TENM3: variants seen among roughly 807,000 people sequenced by gnomAD.
TENM3 encodes the protein teneurin-3.
In TENM3, 63 loss-of-function variants were observed where a neutral mutation model predicts 255.1. The ratio of observed to expected loss-of-function variants is 0.25; its 90% CI spans 0.20 to 0.30. TENM3 has a LOEUF of 0.30. TENM3 is among the 10% of genes least tolerant of loss of function. The pLI, the probability that TENM3 is intolerant of heterozygous loss-of-function variation, is 1.00. For missense variants in TENM3, 2,929 were observed against 3,461.1 expected, an observed-to-expected ratio of 0.85 and a Z score of 3.86; for synonymous variants, 1,306 against 1,322.3, an observed-to-expected ratio of 0.99 and a Z score of 0.27.
chr4:182,504,487 A>G lies in TENM3; in HGVS notation c.512-96437A>G, dbSNP rs111719193. On this transcript the variant is annotated intron_variant, in intron 3 of 27. Transcript: ENST00000511685. ...TGTTGGAGTAAATGAATTACTTAGC[A>G]TAATAGCTATACAAGATATGTTTTG... Among the ~76,000 whole-genome samples the G allele has an allele frequency of 1.6e-3, 247 of 152,320 alleles. 1 individual carries two copies. The highest frequency in any genetic ancestry group is 5.6e-3 in the African/African-American group (231 of 41,572).
At chr4:182,349,181 A>G (rs1213119981) in intron 3 of TENM3, among the ~76,000 whole-genome samples, 1 of 152,204 alleles carries the variant, frequency 6.6e-6, no homozygotes, top group Non-Finnish European at 1.5e-5. Context: ...ATGATGACTT[A>G]AACTTGTGTT....
At chr4:182,607,137 T>C (rs780293330) in intron 4 of TENM3, among the ~76,000 whole-genome samples, 2 of 152,230 alleles carry the variant, frequency 1.3e-5, no homozygotes, top group Non-Finnish European at 2.9e-5. Context: ...AGGTGTTCCG[T>C]AAATGTTTTT....
At chr4:182,089,218 C>T in the TENM3 span, among the ~76,000 whole-genome samples, 1 of 152,178 alleles carries the variant, frequency 6.6e-6, no homozygotes, top group Non-Finnish European at 1.5e-5. Context: ...GCAGCCTGAA[C>T]AGATGAATAC....
the TENM3 span, among the ~76,000 whole-genome samples, chr4:181,656,199 A>G: frequency 1.3e-5 from 2 of 152,028 alleles, no homozygotes; most frequent in African/African-American, 2.4e-5. Flanking sequence ...TGAGGCACCT[A>G]TCTGCAGAGG....
chr4:182,444,605 T>A (rs1772759108), intron 3 of TENM3, among the ~76,000 whole-genome samples: 1 of 152,214 alleles, frequency 6.6e-6, no homozygotes, highest in African/African-American at 2.4e-5. Context: ...AATATTGGCC[T>A]ATTTGTTTCC....
At chr4:181,485,059 A>C in the TENM3 span, among the ~76,000 whole-genome samples, 1 of 152,170 alleles carries the variant, frequency 6.6e-6, no homozygotes, top group Non-Finnish European at 1.5e-5. Flanking sequence ...TCTTTAGATA[A>C]TATTAATTGA....
chr4:181,993,825 C>T, the TENM3 span, among the ~76,000 whole-genome samples: 4 of 152,028 alleles, frequency 2.6e-5, no homozygotes, highest in Admixed American at 2.0e-4. Flanking sequence ...AAGAGCAAGA[C>T]ATATACTTAA....
the TENM3 span, among the ~76,000 whole-genome samples, chr4:181,990,751 C>T: frequency 1.3e-5 from 2 of 152,034 alleles, no homozygotes; most frequent in Non-Finnish European, 2.9e-5. Context: ...ACTAAAGGAG[C>T]CTGAAAATTA....
chr4:182,764,435 A>AGAT (rs1268575427), intron 22 of TENM3, among the ~76,000 whole-genome samples: 1 of 152,218 alleles, frequency 6.6e-6, no homozygotes. Flanking sequence ...GTAAGTGCTA[A>AGAT]GATAGTTGTT....
At chr4:181,906,794 G>A in the TENM3 span, among the ~76,000 whole-genome samples, 33 of 152,246 alleles carry the variant, frequency 2.2e-4, no homozygotes, top group East Asian at 1.4e-3. Context: ...CGATCCTCTC[G>A]CTTCTGCCTC....
At chr4:182,479,558 C>T (rs1733995519) in intron 3 of TENM3, among the ~76,000 whole-genome samples, 1 of 151,882 alleles carries the variant, frequency 6.6e-6, no homozygotes, top group Non-Finnish European at 1.5e-5. Flanking sequence ...TGAGGAATGC[C>T]ATTTGTTTTT....
At chr4:182,120,826 A>G in the TENM3 span, among the ~76,000 whole-genome samples, 6 of 152,100 alleles carry the variant, frequency 3.9e-5, no homozygotes, top group Non-Finnish European at 7.4e-5. Context: ...CTGAGGTGTT[A>G]TAAAAATGGA....
the TENM3 span, among the ~76,000 whole-genome samples, chr4:181,724,217 C>G: frequency 6.6e-6 from 1 of 152,190 alleles, no homozygotes; most frequent in East Asian, 1.9e-4. Context: ...ATTTGTTTTT[C>G]TGATTCAGGG....
the TENM3 span, among the ~76,000 whole-genome samples, chr4:182,037,388 T>C: frequency 6.6e-6 from 1 of 152,198 alleles, no homozygotes; most frequent in Admixed American, 6.5e-5. Flanking sequence ...CCTCAAGTGA[T>C]CCACCCGCTT....
intron 27 of TENM3, 62 bp downstream of exon 27, chr4:182,796,829 T>G: frequency 7.6e-7 from 1 of 1,312,460 alleles, no homozygotes; most frequent in Non-Finnish European, 1.0e-6. Flanking sequence ...TACCCATATC[T>G]AATCAAACTA....
the TENM3 span, among the ~76,000 whole-genome samples, chr4:181,478,812 G>A: frequency 0.05 from 7,551 of 152,122 alleles, 283 homozygotes; most frequent in Non-Finnish European, 0.077. Flanking sequence ...AGACAAAATT[G>A]CCCAATCTAA....
At chr4:181,466,586 C>T in the TENM3 span, among the ~76,000 whole-genome samples, 1 of 152,146 alleles carries the variant, frequency 6.6e-6, no homozygotes, top group Non-Finnish European at 1.5e-5. Context: ...AAGAAGAACA[C>T]ATCACAGTCA....
In TENM3 at chr4:182,217,009, C is replaced by CTTTTT. The variant is rs3071526; in HGVS notation, c.-76+72282_-76+72286dup. ...TCTAAATTTCACCATCATTTTCTTT[C>CTTTTT]TTTTTTTTTTTTTTTTTTTTTTTTT... On this transcript the variant is annotated intron_variant, in intron 1 of 2. Transcript: ENST00000512480. Among the ~76,000 whole-genome samples the CTTTTT allele has an allele frequency of 7.8e-3, 526 of 67,514 alleles. 20 individuals carry two copies. Among genetic ancestry groups the CTTTTT allele is most frequent in the East Asian group, 0.018 (30 of 1,664 alleles). The allele number at this position is 67,514 out of a possible 152,430, so 44.3% of individuals were successfully genotyped here. A position where few individuals can be genotyped will look rare whatever the true frequency, so the allele number is the denominator to read the frequency against.
chr4:181,514,517 T>C, the TENM3 span, among the ~76,000 whole-genome samples: 1 of 152,180 alleles, frequency 6.6e-6, no homozygotes, highest in African/African-American at 2.4e-5. Context: ...ATTTAAGAGA[T>C]TTTTCCATTT....
Sources: gnomAD v4.1 joint callset for allele counts (sites outside exome capture counted in the v4.1 genomes callset) on GRCh38, gnomAD v4.1.1 for gene constraint, MANE v1.5 for transcripts, NCBI Gene and HGNC (gene_info 2026-07-23, HGNC 2026-07-21) for gene names.